Variants in NALF1 observed in about 807,000 individuals in gnomAD.
NALF1 encodes NALCN channel auxiliary factor 1, also known as family with sequence similarity 155 member A.
In NALF1, 3 loss-of-function variants were observed where a neutral mutation model predicts 48.4. That is an observed-to-expected ratio of 0.06 (90% CI 0.03 to 0.16). NALF1 has a LOEUF of 0.16. NALF1 is among the 10% of genes least tolerant of loss of function. The probability of loss-of-function intolerance (pLI) is 1.00; values close to 1 mark genes in which losing one functional copy is unlikely to be tolerated. For missense variants in NALF1, 526 were observed against 571.5 expected, an observed-to-expected ratio of 0.92 and a Z score of 0.81; for synonymous variants, 262 against 245.7, an observed-to-expected ratio of 1.07 and a Z score of -0.62.
intron 1 of NALF1, among the ~76,000 whole-genome samples, chr13:107,388,048 C>T (rs920690170): frequency 7.2e-5 from 11 of 152,200 alleles, no homozygotes; most frequent in African/African-American, 2.7e-4. Context: ...GTAGCACCAG[C>T]CTCTGTCCAT....
chr13:107,550,161 A>C (rs1472180823), intron 1 of NALF1, among the ~76,000 whole-genome samples: 1 of 152,110 alleles, frequency 6.6e-6, no homozygotes, highest in Non-Finnish European at 1.5e-5. Flanking sequence ...ACATTTTTAC[A>C]ACATTCTTGG....
At chr13:107,773,464 T>A (rs553101534) in intron 1 of NALF1, among the ~76,000 whole-genome samples, 1 of 152,136 alleles carries the variant, frequency 6.6e-6, no homozygotes, top group Non-Finnish European at 1.5e-5. Flanking sequence ...ATGGGTTAAA[T>A]AAGCTAAAAT....
intron 2 of NALF1, among the ~76,000 whole-genome samples, chr13:107,175,045 G>T (rs1878894499): frequency 1.4e-5 from 1 of 70,746 alleles, no homozygotes; most frequent in African/African-American, 7.9e-5. Context: ...CACGACGCCC[G>T]GCTAACTTTT....
At chr13:107,706,962 G>A (rs535019477) in intron 1 of NALF1, among the ~76,000 whole-genome samples, 29 of 107,978 alleles carry the variant, frequency 2.7e-4, no homozygotes, top group Non-Finnish European at 4.5e-4. Flanking sequence ...TCGCTCTGTC[G>A]CCCAGGCTGG....
intron 1 of NALF1, among the ~76,000 whole-genome samples, chr13:107,342,043 C>T (rs961875756): frequency 6.6e-6 from 1 of 152,110 alleles, no homozygotes; most frequent in Non-Finnish European, 1.5e-5. Context: ...CTAGACATTG[C>T]CATAGCCAGC....
intron 1 of NALF1, among the ~76,000 whole-genome samples, chr13:107,737,204 T>C (rs1237927242): frequency 6.6e-6 from 1 of 152,216 alleles, no homozygotes; most frequent in Non-Finnish European, 1.5e-5. Flanking sequence ...TAATTTCCAG[T>C]ATTTTATGAT....
chr13:107,742,542 A>G (rs1876670387), intron 1 of NALF1, among the ~76,000 whole-genome samples: 1 of 152,210 alleles, frequency 6.6e-6, no homozygotes, highest in Non-Finnish European at 1.5e-5. Context: ...CGCCATGAGA[A>G]GCATGGGTTT....
chr13:107,580,154 A>G (rs902571272), intron 1 of NALF1, among the ~76,000 whole-genome samples: 6 of 152,238 alleles, frequency 3.9e-5, no homozygotes, highest in Admixed American at 1.3e-4. Context: ...GTAGGGACAT[A>G]GATGAAATTG....
At chr13:107,574,463 G>A (rs1566399216) in intron 1 of NALF1, among the ~76,000 whole-genome samples, 1 of 152,118 alleles carries the variant, frequency 6.6e-6, no homozygotes, top group Non-Finnish European at 1.5e-5. Flanking sequence ...TATATTCTTA[G>A]CATCTGCAAA....
At chr13:107,522,986 T>C (rs1359779498) in intron 1 of NALF1, among the ~76,000 whole-genome samples, 2 of 152,168 alleles carry the variant, frequency 1.3e-5, no homozygotes. Context: ...TGTGAACTCC[T>C]AAGCTCAGTA....
At chr13:107,315,840 T>TA (rs1204286437) in intron 1 of NALF1, among the ~76,000 whole-genome samples, 1 of 150,356 alleles carries the variant, frequency 6.7e-6, no homozygotes, top group African/African-American at 2.4e-5. Flanking sequence ...CTCTTTCCAA[T>TA]AAAAATGATA....
intron 1 of NALF1, among the ~76,000 whole-genome samples, chr13:107,548,234 CTTCCTGTGTTAGT>C (rs991442396): frequency 6.6e-6 from 1 of 151,982 alleles, no homozygotes; most frequent in Non-Finnish European, 1.5e-5. Context: ...TTGGTTTTTT[CTTCCTGTGTTAGT>C]TTGCTAAGGA....
At chr13:107,204,440 C>T (rs920423137) in intron 2 of NALF1, among the ~76,000 whole-genome samples, 1 of 146,446 alleles carries the variant, frequency 6.8e-6, no homozygotes, top group Non-Finnish European at 1.5e-5. Context: ...ACAGTGGGGG[C>T]GATTTTCCAA....
chr13:107,246,548 C>G (rs9520340), intron 1 of NALF1, among the ~76,000 whole-genome samples: 29,659 of 152,140 alleles, frequency 0.19, 3,549 homozygotes, highest in South Asian at 0.41. Flanking sequence ...AGAGGCCACA[C>G]AGCATTCTCC....
chr13:107,329,148 T>C (rs1238562656), intron 1 of NALF1, among the ~76,000 whole-genome samples: 1 of 152,172 alleles, frequency 6.6e-6, no homozygotes, highest in Non-Finnish European at 1.5e-5. Context: ...GTACCATAAA[T>C]ATAAAATAAC....
chr13:107,503,019 G>A (rs1490612856), intron 1 of NALF1, among the ~76,000 whole-genome samples: 1 of 152,114 alleles, frequency 6.6e-6, no homozygotes, highest in African/African-American at 2.4e-5. Context: ...AGAGCCCACA[G>A]GCTCAATTCT....
chr13:107,649,192 A>G (rs1053297986), intron 1 of NALF1, among the ~76,000 whole-genome samples: 6 of 152,192 alleles, frequency 3.9e-5, no homozygotes, highest in African/African-American at 7.2e-5. Context: ...ACCACCAGTT[A>G]TACTATTAAC....
intron 1 of NALF1, among the ~76,000 whole-genome samples, chr13:107,813,060 T>G (rs1243653580): frequency 2.0e-5 from 3 of 152,152 alleles, no homozygotes; most frequent in Admixed American, 2.0e-4. Context: ...TGGATAACAT[T>G]ATTATGATCT....
At chr13:107,289,942 T>G (rs1224055461) in intron 1 of NALF1, among the ~76,000 whole-genome samples, 1 of 152,200 alleles carries the variant, frequency 6.6e-6, no homozygotes, top group Non-Finnish European at 1.5e-5. Flanking sequence ...CCTGTTCAAC[T>G]GTGAGAACCT....
Sources: allele counts gnomAD v4.1 joint callset (sites outside exome capture counted in the v4.1 genomes callset), GRCh38; gene constraint gnomAD v4.1.1; transcripts MANE v1.5; gene names NCBI Gene and HGNC (gene_info 2026-07-23, HGNC 2026-07-21).